ACO2: variants seen among roughly 807,000 people sequenced by gnomAD.
ACO2 encodes aconitase 2.
A neutral mutation model predicts 84.5 loss-of-function variants in ACO2; 31 were observed. The observed-to-expected ratio is 0.37, with a 90% CI of 0.28 to 0.50. ACO2 has a LOEUF of 0.50. ACO2 is among the 20% of genes least tolerant of loss of function. The probability of loss-of-function intolerance (pLI) is 0.97; values close to 1 mark genes in which losing one functional copy is unlikely to be tolerated. For synonymous variants in ACO2, 414 were observed against 412.7 expected (o/e 1.00, Z -0.04); for missense variants, 685 against 1,029.3 (o/e 0.67, Z 4.58).
intron 13 of ACO2, 73 bp from the exon 14 acceptor site, chr22:41,525,120 C>T: frequency 6.9e-6 from 11 of 1,595,754 alleles, no homozygotes; most frequent in Non-Finnish European, 8.6e-6. Context: ...CCCGAGGAAA[C>T]TTGCCTTCTG....
chr22:41,498,175 A>C (rs1824889509), intron 1 of ACO2, among the ~76,000 whole-genome samples: 1 of 151,522 alleles, frequency 6.6e-6, no homozygotes, highest in African/African-American at 2.4e-5. Context: ...AATTGGGTGT[A>C]GTAGTGTGCG....
At chr22:41,499,986 G>A in intron 2 of ACO2, 124 bp downstream of exon 2, 1 of 1,278,962 alleles carries the variant, frequency 7.8e-7, no homozygotes, top group Non-Finnish European at 1.1e-6. Context: ...AGGTATTCAA[G>A]GTACAAAGGT....
intron 1 of ACO2, among the ~76,000 whole-genome samples, chr22:41,482,613 A>G (rs935882245): frequency 2.0e-5 from 3 of 152,238 alleles, no homozygotes; most frequent in Non-Finnish European, 4.4e-5. Context: ...TGGAGAAGAC[A>G]TAATTGTGGT....
At chr22:41,500,092 C>G (rs554069062) in intron 2 of ACO2, among the ~76,000 whole-genome samples, 42 of 152,182 alleles carry the variant, frequency 2.8e-4, no homozygotes, top group African/African-American at 9.4e-4. Context: ...AGATGTGAAC[C>G]ACAGCCAGGT....
At position 41,487,023 on chromosome 22, in the gene ACO2, A is replaced by G. The variant is rs2038166207; in HGVS notation, c.37-12703A>G. 3.9e-5 allele frequency among the ~76,000 whole-genome samples: 6 copies of G among 152,004 alleles called. 1 individual carries two copies. Among genetic ancestry groups the G allele is most frequent in the African/African-American group, 1.5e-4 (6 of 41,376 alleles). ...CTCAGCCTCCCGAGTAGCTGGGATT[A>G]CAGGCGCCCACCACTACGTCCGGCT... On this transcript the variant is annotated intron_variant, in intron 1 of 17. Transcript: ENST00000216254.
At chr22:41,514,069 G>A (rs1207086145) in intron 4 of ACO2, among the ~76,000 whole-genome samples, 2 of 152,204 alleles carry the variant, frequency 1.3e-5, no homozygotes, top group Non-Finnish European at 2.9e-5. Flanking sequence ...CTTGTACGTG[G>A]CAGCATTGGC....
chr22:41,469,139 T>C lies in ACO2; in HGVS notation c.-8T>C, dbSNP rs931612803. The C allele has an allele frequency of 5.8e-5, 94 of 1,608,730 alleles. No homozygotes were observed. The highest frequency in any genetic ancestry group is 1.7e-4 in the Middle Eastern group (1 of 6,002). On this transcript the variant is annotated 5_prime_UTR_variant, in exon 1 of 18. Transcript: ENST00000216254. Reference sequence around the variant, plus strand: ...TTTAATGCGACCTCATCTTTGTCAGTGCACAAAATGGCGCCCTACAGCCTA... The same window carrying C: ...TTTAATGCGACCTCATCTTTGTCAGCGCACAAAATGGCGCCCTACAGCCTA...
At chr22:41,499,895 A>G (rs752669098) in intron 2 of ACO2, 33 bp downstream of exon 2, 4 of 1,610,598 alleles carry the variant, frequency 2.5e-6, no homozygotes, top group South Asian at 2.2e-5. Flanking sequence ...GTGACTGTCA[A>G]GGGCATTGCG....
rs1199168914 is a variant in ACO2, at chr22:41,528,586, C to T, written c.2316C>T (p.Leu772=). 6.2e-7 allele frequency: 1 copy of T among 1,612,124 alleles called. No individual in the cohort carries two copies. The highest frequency in any genetic ancestry group is 8.5e-7 in the Non-Finnish European group (1 of 1,180,006). ...AGTGGTTCCGCGCTGGCAGTGCCCTCAACAGAATGAAGGAACTGCAACAGT... is the reference window on the plus strand; with the variant it reads ...AGTGGTTCCGCGCTGGCAGTGCCCTTAACAGAATGAAGGAACTGCAACAGT... ...QIEWFRAGSA[L]NRMKELQQ The change falls in exon 18 of 18, where the codon CTC becomes CTT. Residue 772 remains leucine, a synonymous_variant. Transcript: ENST00000216254.
Position 41,507,888 on chromosome 22 carries a change from C to T in ACO2, c.271C>T (p.Leu91=). 1 of 1,614,266 alleles carries T rather than the reference C, an allele frequency of 6.2e-7. No homozygotes were observed. Among genetic ancestry groups the T allele is most frequent in the Non-Finnish European group, 8.5e-7 (1 of 1,180,050 alleles). ...EIERGKSYLR[L]RPDRVAMQDA... ...TGAGCGAGGCAAGTCGTACCTGCGG[C>T]TGCGGCCGGACCGTGTGGCCATGCA... The change falls in exon 3 of 18, where the codon CTG becomes TTG. Residue 91 remains leucine (L), a synonymous_variant. Coordinates refer to ENST00000216254, the MANE Select transcript of ACO2 (RefSeq NM_001098.3).
intron 1 of ACO2, among the ~76,000 whole-genome samples, chr22:41,481,381 G>C (rs899085531): frequency 2.0e-5 from 3 of 152,212 alleles, no homozygotes; most frequent in Non-Finnish European, 4.4e-5. Flanking sequence ...GCCTGTTTGG[G>C]TGGCTCGGCA....
At chr22:41,475,718 C>A (rs1196159176) in intron 1 of ACO2, among the ~76,000 whole-genome samples, 1 of 151,700 alleles carries the variant, frequency 6.6e-6, no homozygotes, top group African/African-American at 2.4e-5. Flanking sequence ...TATGGTGAAA[C>A]CCCATCTTTA....
In ACO2 at chr22:41,523,995, G is replaced by A. The variant is rs1054230404; in HGVS notation, c.1482+54G>A. On this transcript the variant is annotated intron_variant, in intron 12 of 17. Coordinates refer to ENST00000216254, the MANE Select transcript of ACO2 (RefSeq NM_001098.3). ...GGGATGGCCTCTGGGGGTCCCTGGC[G>A]GGTCAGAGGAGGAGGCAGAAGGAGA... 63 of 1,524,772 alleles carry A rather than the reference G, an allele frequency of 4.1e-5. No individual in the cohort carries two copies. The highest frequency in any genetic ancestry group is 5.1e-5 in the Admixed American group (3 of 58,316). The allele number at this position is 1,524,772 out of a possible 1,614,324, so 94.5% of individuals were successfully genotyped here.
intron 13 of ACO2, 110 bp from the exon 14 acceptor site, chr22:41,525,083 C>G: frequency 6.3e-7 from 1 of 1,597,988 alleles, no homozygotes; most frequent in Non-Finnish European, 8.6e-7. Context: ...AAGGAAGCAG[C>G]TCTGTTCCCT....
chr22:41,474,016 G>T (rs367823399), intron 1 of ACO2, among the ~76,000 whole-genome samples: 2 of 152,186 alleles, frequency 1.3e-5, no homozygotes, highest in East Asian at 1.9e-4. Flanking sequence ...CATCTGGGCT[G>T]CTGCGTGCAT....
In ACO2 at chr22:41,515,585, G is replaced by A; in HGVS notation, c.684+50G>A. Reference sequence around the variant, plus strand: ...TGGGCTGGCTGTGGGGTGGTGGTTGGTGGGGATGAACGGGAGACGGTGGGA... The same window carrying A: ...TGGGCTGGCTGTGGGGTGGTGGTTGATGGGGATGAACGGGAGACGGTGGGA... On this transcript the variant is annotated intron_variant, in intron 5 of 17. Coordinates refer to ENST00000216254, the MANE Select transcript of ACO2 (RefSeq NM_001098.3). This position sits in a 1 kb window ranked among gnomAD's most constrained non-coding sequence, Gnocchi z 5.8. 6.3e-7 allele frequency: 1 copy of A among 1,583,748 alleles called. No homozygotes were observed. The highest frequency in any genetic ancestry group is 1.2e-5 in the South Asian group (1 of 86,062).
intron 6 of ACO2, 157 bp downstream of exon 6, chr22:41,516,074 C>A: frequency 1.1e-6 from 1 of 914,186 alleles, no homozygotes; most frequent in Non-Finnish European, 1.7e-6. Flanking sequence ...TTGGAGACAG[C>A]ATTAGAGATT....
intron 3 of ACO2, 36 bp from the exon 4 acceptor site, chr22:41,511,840 T>C (rs746768178): frequency 1.2e-5 from 18 of 1,529,640 alleles, no homozygotes; most frequent in Non-Finnish European, 1.6e-5. Flanking sequence ...ACACAAACCA[T>C]GTTGCTAACG....
intron 15 of ACO2, chr22:41,527,039 G>A (rs1335128242): frequency 5.2e-6 from 3 of 578,470 alleles, no homozygotes; most frequent in Admixed American, 3.1e-5. Flanking sequence ...AAGCACCAAT[G>A]GGTGGCTTCT....
Sources: allele counts gnomAD v4.1 joint callset (sites outside exome capture counted in the v4.1 genomes callset), GRCh38; gene constraint gnomAD v4.1.1; non-coding constraint Gnocchi (gnomAD v3.1); transcripts MANE v1.5; gene names NCBI Gene and HGNC (gene_info 2026-07-23, HGNC 2026-07-21).